CACNA1C: variants seen among roughly 807,000 people sequenced by gnomAD.
The protein encoded by CACNA1C is voltage-dependent L-type calcium channel subunit alpha-1C.
Under a neutral mutation model 229.0 loss-of-function variants are expected in CACNA1C, and 30 were observed. That is an observed-to-expected ratio of 0.13 (90% CI 0.10 to 0.18). CACNA1C has a LOEUF of 0.18. Among genes scored for constraint, CACNA1C ranks in the 10% least tolerant of loss-of-function variants. The probability of loss-of-function intolerance (pLI) is 1.00; values close to 1 mark genes in which losing one functional copy is unlikely to be tolerated. For synonymous variants in CACNA1C, 1,114 were observed against 1,132.5 expected (o/e 0.98, Z 0.33); for missense variants, 1,658 against 2,845.0 (o/e 0.58, Z 9.49).
At chr12:2,471,374 C>T (rs1350186666) in intron 5 of CACNA1C, among the ~76,000 whole-genome samples, 1 of 152,118 alleles carries the variant, frequency 6.6e-6, no homozygotes, top group African/African-American at 2.4e-5. Context: ...AAAAATAAAA[C>T]ATAGTATTTT....
chr12:2,205,484 G>T (rs1280036916), intron 3 of CACNA1C, among the ~76,000 whole-genome samples: 2 of 152,172 alleles, frequency 1.3e-5, no homozygotes, highest in Non-Finnish European at 2.9e-5. Flanking sequence ...TTGCCCTGTG[G>T]TGCTCTTGGC....
At chr12:2,081,337 G>A (rs1453089970) in intron 1 of CACNA1C, among the ~76,000 whole-genome samples, 1 of 119,574 alleles carries the variant, frequency 8.4e-6, no homozygotes, top group Non-Finnish European at 1.8e-5. Flanking sequence ...CTGGGAGGCT[G>A]AGGTGGGTGG....
intron 11 of CACNA1C, among the ~76,000 whole-genome samples, chr12:2,561,492 GAGTAATGCAGAC>G (rs1440940174): frequency 1.3e-5 from 2 of 152,370 alleles, no homozygotes; most frequent in East Asian, 3.9e-4. Flanking sequence ...TAACTAAAAT[GAGTAATGCAGAC>G]AGTAAGCGCT....
At chr12:2,555,876 G>A (rs1328289723) in intron 10 of CACNA1C, among the ~76,000 whole-genome samples, 1 of 152,088 alleles carries the variant, frequency 6.6e-6, no homozygotes, top group African/African-American at 2.4e-5. Context: ...TGTGTGCCGC[G>A]CTGGGACGTC....
intron 9 of CACNA1C, among the ~76,000 whole-genome samples, chr12:2,532,744 T>C (rs2099844149): frequency 6.6e-6 from 1 of 152,160 alleles, no homozygotes; most frequent in Non-Finnish European, 1.5e-5. Context: ...CCTGGGCCAC[T>C]GAGCCTGCAG....
At chr12:2,642,756 C>T (rs998238713) in intron 30 of CACNA1C, among the ~76,000 whole-genome samples, 2 of 152,184 alleles carry the variant, frequency 1.3e-5, no homozygotes, top group African/African-American at 2.4e-5. Context: ...TGATTTCATT[C>T]GTTTATTCTT....
At chr12:2,343,265 C>T (rs371962412) in intron 3 of CACNA1C, among the ~76,000 whole-genome samples, 5 of 152,328 alleles carry the variant, frequency 3.3e-5, no homozygotes, top group East Asian at 3.9e-4. Flanking sequence ...TTAAGAGTCT[C>T]TCCTTTGGAG....
intron 3 of CACNA1C, among the ~76,000 whole-genome samples, chr12:2,293,268 G>A (rs1171926372): frequency 3.9e-5 from 6 of 152,196 alleles, no homozygotes; most frequent in African/African-American, 1.4e-4. Context: ...ACACAAGCAA[G>A]TTTTTCCTGA....
chr12:2,511,208 GC>G (rs994720805), intron 8 of CACNA1C, among the ~76,000 whole-genome samples: 15 of 152,320 alleles, frequency 9.8e-5, no homozygotes, highest in African/African-American at 3.4e-4. Flanking sequence ...TAGCTTGACA[GC>G]CCCCACATTC....
At position 2,682,879 on chromosome 12, in the gene CACNA1C, C is replaced by A. The variant is rs148797105; in HGVS notation, c.5573+201C>A. Among the ~76,000 whole-genome samples, 164 of 34,126 alleles carry A rather than the reference C, an allele frequency of 4.8e-3. 2 individuals are homozygous for A. The highest frequency in any genetic ancestry group is 0.029 in the African/African-American group (148 of 5,182). 22.4% of individuals were successfully genotyped at this position (34,126 alleles called of 152,430 possible). ...CACAACACACACAAACACACACACA[C>A]CACACACACACACAGACACACACAA... is the stretch of plus-strand genomic sequence containing the variant. On this transcript the variant is annotated intron_variant, in intron 43 of 46. Coordinates refer to ENST00000399655, the MANE Select transcript of CACNA1C (RefSeq NM_000719.7).
At chr12:2,245,500 C>T (rs1004474896) in intron 3 of CACNA1C, among the ~76,000 whole-genome samples, 10 of 152,188 alleles carry the variant, frequency 6.6e-5, no homozygotes, top group Non-Finnish European at 1.2e-4. Context: ...AGGCTCAGAG[C>T]GGGTGGTCTA....
chr12:2,388,429 AG>A (rs2098431911), intron 3 of CACNA1C, among the ~76,000 whole-genome samples: 1 of 152,240 alleles, frequency 6.6e-6, no homozygotes, highest in Admixed American at 6.5e-5. Context: ...AATAATATGC[AG>A]TTGTTATTTG....
intron 1 of CACNA1C, among the ~76,000 whole-genome samples, chr12:2,014,131 A>T (rs1462681995): frequency 6.6e-6 from 1 of 152,180 alleles, no homozygotes; most frequent in Non-Finnish European, 1.5e-5. Flanking sequence ...CGTGTTATTA[A>T]CAGGGCTGGC....
At chr12:2,281,803 G>A (rs1406485887) in intron 3 of CACNA1C, among the ~76,000 whole-genome samples, 1 of 151,934 alleles carries the variant, frequency 6.6e-6, no homozygotes, top group African/African-American at 2.4e-5. Context: ...TGAGCTTCTG[G>A]AACCTGTGGG....
At chr12:2,648,556 A>G (rs2094576238) in intron 31 of CACNA1C, 49 bp downstream of exon 31, 1 of 1,565,668 alleles carries the variant, frequency 6.4e-7, no homozygotes, top group East Asian at 2.2e-5. Flanking sequence ...GTCCCCCTCT[A>G]ACACCCCCAC....
rs2239119 is a variant in CACNA1C at position 2,608,856 on chromosome 12, C to A, written c.3558+144C>A. ...CTATTCCTCAACCAGAGTGGGCTGT[C>A]AGTCTTTTTGAGGGACCTGTGCAAA... On this transcript the variant is annotated intron_variant, in intron 27 of 46. Coordinates refer to ENST00000399655, the MANE Select transcript of CACNA1C (RefSeq NM_000719.7). This position sits in a 1 kb window ranked among gnomAD's most constrained non-coding sequence, Gnocchi z 4.2. 7.8e-3 allele frequency: 6,187 copies of A among 797,212 alleles called. 269 individuals are homozygous for A. In the East Asian group the frequency reaches 0.12, roughly 16 times the overall value. 49.4% of individuals were successfully genotyped at this position (797,212 alleles called of 1,614,324 possible). A position where few individuals can be genotyped will look rare whatever the true frequency, so the allele number is the denominator to read the frequency against.
intron 3 of CACNA1C, among the ~76,000 whole-genome samples, chr12:2,216,015 T>C (rs1479177182): frequency 6.6e-6 from 1 of 152,148 alleles, no homozygotes. Flanking sequence ...GAAAGCACAC[T>C]CAGCAGAGAT....
chr12:2,591,378 C>T (rs541371737), intron 18 of CACNA1C, among the ~76,000 whole-genome samples: 67 of 152,266 alleles, frequency 4.4e-4, no homozygotes, highest in African/African-American at 1.5e-3. Flanking sequence ...TCCTTCTGAC[C>T]GGTGTGGAAG....
At chr12:2,404,910 ACTT>A (rs552706114) in intron 3 of CACNA1C, among the ~76,000 whole-genome samples, 233 of 152,108 alleles carry the variant, frequency 1.5e-3, no homozygotes, top group Non-Finnish European at 2.8e-3. Flanking sequence ...CATGTTTCTG[ACTT>A]CTTCTCAAAT....
Sources: gnomAD v4.1 joint callset for allele counts (sites outside exome capture counted in the v4.1 genomes callset) on GRCh38, gnomAD v4.1.1 for gene constraint, Gnocchi (gnomAD v3.1) non-coding constraint, MANE v1.5 for transcripts, NCBI Gene and HGNC (gene_info 2026-07-23, HGNC 2026-07-21) for gene names.